MKLN1: variants seen among roughly 807,000 people sequenced by gnomAD.
The protein encoded by MKLN1 is muskelin 1.
Under a neutral mutation model 99.0 loss-of-function variants are expected in MKLN1, and 18 were observed. That is an observed-to-expected ratio of 0.18 (90% confidence interval 0.13 to 0.27). The LOEUF (loss-of-function observed/expected upper bound fraction) is 0.27. Ranked by LOEUF, MKLN1 falls within the 10% of genes least tolerant of loss-of-function variation. The pLI, the probability that MKLN1 is intolerant of heterozygous loss-of-function variation, is 1.00. For missense variants in MKLN1, 621 were observed against 875.9 expected (o/e 0.71, Z 3.67); for synonymous variants, 288 against 293.2 (o/e 0.98, Z 0.18).
chr7:131,443,716 G>A lies in MKLN1; in HGVS notation c.1395+14G>A, dbSNP rs370070043. On this transcript the variant is annotated intron_variant, in intron 11 of 17. Transcript: ENST00000352689. ...TTATTCCACTCAGTAAGAACATTCC[G>A]TACATTGCGTAAATGTTATTTTGTC... 3.6e-5 allele frequency: 55 copies of A among 1,519,718 alleles called. 1 individual carries two copies. The South Asian group carries it at 4.6e-4, about 13-fold the overall frequency. The allele number at this position is 1,519,718 out of a possible 1,614,324, so 94.1% of individuals were successfully genotyped here.
At chr7:131,322,513 C>G (rs1798798560) in intron 3 of MKLN1, among the ~76,000 whole-genome samples, 1 of 148,252 alleles carries the variant, frequency 6.7e-6, no homozygotes, top group African/African-American at 2.5e-5. Context: ...ACCTTCTTCA[C>G]AAGGCAGTAG....
At chr7:131,195,219 G>A (rs754860230) in intron 2 of MKLN1, among the ~76,000 whole-genome samples, 4 of 152,098 alleles carry the variant, frequency 2.6e-5, no homozygotes, top group Non-Finnish European at 5.9e-5. Flanking sequence ...ATTAAAATAT[G>A]TGGACAGTGG....
At chr7:131,480,135 G>C (rs1263761977) in intron 17 of MKLN1, among the ~76,000 whole-genome samples, 2 of 151,794 alleles carry the variant, frequency 1.3e-5, no homozygotes, top group Non-Finnish European at 2.9e-5. Context: ...ACTTATGATA[G>C]CTTCATTTTT....
intron 9 of MKLN1, 90 bp from the exon 10 acceptor site, chr7:131,437,695 A>G (rs1563347781): frequency 9.8e-6 from 10 of 1,019,932 alleles, no homozygotes; most frequent in Non-Finnish European, 1.4e-5. Flanking sequence ...AAGGTAATAA[A>G]AAATGACGTT....
chr7:131,429,918 G>T (rs1241497646), intron 9 of MKLN1, among the ~76,000 whole-genome samples: 3 of 152,200 alleles, frequency 2.0e-5, no homozygotes, highest in African/African-American at 7.2e-5. Flanking sequence ...ATATATGTAT[G>T]CATGTACAGA....
intron 1 of MKLN1, among the ~76,000 whole-genome samples, chr7:131,126,617 G>A (rs1162878537): frequency 3.9e-5 from 6 of 152,188 alleles, no homozygotes; most frequent in East Asian, 1.9e-4. Context: ...GCAGTGGTGC[G>A]ATCTTGGCTC....
intron 1 of MKLN1, among the ~76,000 whole-genome samples, chr7:131,339,455 A>T (rs1288167646): frequency 2.6e-5 from 4 of 152,188 alleles, no homozygotes. Flanking sequence ...CTGTAATCCC[A>T]GCACTTTGGG....
At chr7:131,344,281 ATTG>A (rs1799490926) in intron 1 of MKLN1, among the ~76,000 whole-genome samples, 1 of 152,158 alleles carries the variant, frequency 6.6e-6, no homozygotes, top group African/African-American at 2.4e-5. Flanking sequence ...AAAATAGAGA[ATTG>A]TTGTGTTTGT....
chr7:131,430,919 C>T (rs974404312), intron 9 of MKLN1, among the ~76,000 whole-genome samples: 1 of 151,960 alleles, frequency 6.6e-6, no homozygotes, highest in East Asian at 1.9e-4. Context: ...AGAGCAAGAC[C>T]CTGTCTCAAA....
chr7:131,412,373 A>G (rs1794906737), intron 7 of MKLN1, among the ~76,000 whole-genome samples: 2 of 152,220 alleles, frequency 1.3e-5, no homozygotes, highest in South Asian at 2.1e-4. Flanking sequence ...CTAGCAAGGC[A>G]TATAAGAAAA....
At chr7:131,474,161 A>G (rs914459889) in intron 16 of MKLN1, among the ~76,000 whole-genome samples, 5 of 152,320 alleles carry the variant, frequency 3.3e-5, no homozygotes, top group African/African-American at 1.2e-4. Flanking sequence ...GCCCAAAGTA[A>G]TAGTAGAGCA....
At chr7:131,309,037 G>A (rs115071015) in intron 3 of MKLN1, among the ~76,000 whole-genome samples, 1 of 152,206 alleles carries the variant, frequency 6.6e-6, no homozygotes, top group African/African-American at 2.4e-5. Flanking sequence ...ATGATCCATT[G>A]TCCAGTTTTC....
At chr7:131,200,452 T>G (rs1299792326) in intron 2 of MKLN1, among the ~76,000 whole-genome samples, 1 of 152,250 alleles carries the variant, frequency 6.6e-6, no homozygotes, top group Non-Finnish European at 1.5e-5. Context: ...ATACTGATTA[T>G]GCAAATGGCA....
intron 1 of MKLN1, among the ~76,000 whole-genome samples, chr7:131,335,392 A>G (rs888656556): frequency 1.3e-5 from 2 of 152,168 alleles, no homozygotes; most frequent in African/African-American, 4.8e-5. Flanking sequence ...AAAAAAGTAT[A>G]CAAAGAGAAA....
intron 1 of MKLN1, among the ~76,000 whole-genome samples, chr7:131,369,442 T>C (rs1416866871): frequency 6.6e-6 from 1 of 152,212 alleles, no homozygotes; most frequent in Admixed American, 6.5e-5. Flanking sequence ...TCTTTTTCCA[T>C]GACACAGACA....
At chr7:131,460,734 G>A (rs1796491500) in intron 12 of MKLN1, among the ~76,000 whole-genome samples, 1 of 152,164 alleles carries the variant, frequency 6.6e-6, no homozygotes, top group African/African-American at 2.4e-5. Context: ...TAAATGAATG[G>A]ACATTGCCTG....
intron 8 of MKLN1, among the ~76,000 whole-genome samples, chr7:131,424,718 AATAG>A (rs1795307089): frequency 1.3e-5 from 2 of 152,174 alleles, no homozygotes; most frequent in South Asian, 4.1e-4. Flanking sequence ...AGTAATGAAA[AATAG>A]ATTGATTGGT....
intron 3 of MKLN1, among the ~76,000 whole-genome samples, chr7:131,259,218 G>A (rs1308419166): frequency 2.0e-5 from 3 of 152,216 alleles, no homozygotes; most frequent in African/African-American, 7.2e-5. Flanking sequence ...GCCTTCCAGA[G>A]TGCATCACCT....
intron 12 of MKLN1, among the ~76,000 whole-genome samples, chr7:131,449,542 T>C (rs1354732387): frequency 6.6e-6 from 1 of 152,226 alleles, no homozygotes; most frequent in Non-Finnish European, 1.5e-5. Flanking sequence ...TTAGAATTAC[T>C]TGGAAAAATT....
Sources: gnomAD v4.1 joint callset for allele counts (sites outside exome capture counted in the v4.1 genomes callset) on GRCh38, gnomAD v4.1.1 for gene constraint, MANE v1.5 for transcripts, NCBI Gene and HGNC (gene_info 2026-07-23, HGNC 2026-07-21) for gene names.